Variants in VPS35 observed in about 807,000 individuals in gnomAD.
VPS35 encodes the protein vacuolar protein sorting-associated protein 35.
Under a neutral mutation model 98.1 loss-of-function variants are expected in VPS35, and 21 were observed. That is an observed-to-expected ratio of 0.21 (90% CI 0.15 to 0.31). The LOEUF is 0.31. VPS35 is among the 10% of genes least tolerant of loss of function. The pLI, the probability that VPS35 is intolerant of heterozygous loss-of-function variation, is 1.00. For synonymous variants in VPS35, 268 were observed against 318.2 expected (o/e 0.84, Z 1.68); for missense variants, 554 against 950.8 (o/e 0.58, Z 5.49).
chr16:46,672,472 A>C lies in VPS35; in HGVS notation c.1161T>G (p.His387Gln). The C allele has an allele frequency of 6.2e-7, 1 of 1,611,676 alleles. No homozygotes were observed. Reference protein sequence around the residue: ...VEIFNKLNLEHIATSSAVSKE... With the variant: ...VEIFNKLNLEQIATSSAVSKE... The stretch of plus-strand genomic sequence containing the variant: ...TTGAAACTGCACTACTGGTAGCAAT[A>C]CTACAAAAAGAAAAACAGAAGTCTT... The change falls in exon 11 of 17, where the codon CAT (histidine) becomes CAG (glutamine). Residue 387 changes from histidine to glutamine, a missense_variant and splice_region_variant. His to Gln is a conservative substitution (Grantham distance 24). Transcript: ENST00000299138.
rs762793303 is a variant in VPS35 at position 46,677,333 on chromosome 16, G to A, written c.786C>T (p.Leu262=). The A allele has an allele frequency of 6.2e-7, 1 of 1,613,664 alleles. No individual in the cohort carries two copies. The highest frequency in any genetic ancestry group is 8.5e-7 in the Non-Finnish European group (1 of 1,179,692). Residue 262 remains leucine, a synonymous_variant, in exon 7 of 17, where the codon CTC becomes CTT. Coordinates refer to ENST00000299138, the MANE Select transcript of VPS35 (RefSeq NM_018206.6). ...NCRDALAQEY[L]MECIIQVFPD... ...CAGCTACCTGAATAATACACTCCAT[G>A]AGATATTCTTGAGCCAAAGCATCCC... is the stretch of plus-strand genomic sequence containing the variant.
At chr16:46,668,152 T>C (rs1489574106) in intron 13 of VPS35, among the ~76,000 whole-genome samples, 1 of 152,138 alleles carries the variant, frequency 6.6e-6, no homozygotes, top group Non-Finnish European at 1.5e-5. Flanking sequence ...TCCTAGCACT[T>C]TGAGAGGCTG....
rs1291495529 is a variant in VPS35, at chr16:46,683,541, C to A, written c.69G>T (p.Val23=). Residue 23 remains valine, a synonymous_variant, in exon 2 of 17, where the codon GTG becomes GTT. Transcript: ENST00000299138. Reference sequence around the variant, plus strand: ...TCTTCATTTGGAATGACTGGACCTTCACAGCCTGTATGGCTTCATCCAAGA... The same window carrying A: ...TCTTCATTTGGAATGACTGGACCTTAACAGCCTGTATGGCTTCATCCAAGA... The part of the protein sequence containing the change: ...EKLLDEAIQA[V]KVQSFQMKRC... 1 of 1,613,922 alleles carries A rather than the reference C, an allele frequency of 6.2e-7. No individual in the cohort carries two copies. Among genetic ancestry groups the A allele is most frequent in the Non-Finnish European group, 8.5e-7 (1 of 1,180,028 alleles).
In VPS35 at chr16:46,661,019, C is replaced by A. The variant is rs905889355; in HGVS notation, c.2212-368G>T. 1.1e-5 allele frequency: 4 copies of A among 354,786 alleles called. No homozygotes were observed. Among genetic ancestry groups the A allele is most frequent in the Non-Finnish European group, 2.2e-5 (4 of 183,616 alleles). The allele number at this position is 354,786 out of a possible 1,614,324, so 22.0% of individuals were successfully genotyped here. Reference sequence around the variant, plus strand: ...AAAATTAGCTGGGCGTGGTGCCGGGCGCCTATAATACCAGCTATTCAGGAG... The same window carrying A: ...AAAATTAGCTGGGCGTGGTGCCGGGAGCCTATAATACCAGCTATTCAGGAG... On this transcript the variant is annotated intron_variant, in intron 16 of 16. Transcript: ENST00000299138. The surrounding 1 kb of genome is among the most constrained non-coding windows in gnomAD (Gnocchi z 4.3).
rs541249570 is a variant in VPS35, at chr16:46,679,943, A to C, written c.506+728T>G. On this transcript the variant is annotated intron_variant, in intron 5 of 16. Transcript: ENST00000299138. ...ACCTTAGAAATAAATGAAAATATTA[A>C]AAAGAAAAAAACAAAATCTGTTGGG... Among the ~76,000 whole-genome samples the C allele has an allele frequency of 2.0e-5, 3 of 152,300 alleles. No homozygotes were observed. In the East Asian group the frequency reaches 5.8e-4, roughly 29 times the overall value.
At chr16:46,673,241 G>A (rs1266447121) in intron 10 of VPS35, among the ~76,000 whole-genome samples, 2 of 152,040 alleles carry the variant, frequency 1.3e-5, no homozygotes, top group Non-Finnish European at 2.9e-5. Flanking sequence ...GAATAGCTGG[G>A]ATTACAGGTG....
At chr16:46,672,232 T>C in intron 11 of VPS35, 33 bp downstream of exon 11, 1 of 1,594,496 alleles carries the variant, frequency 6.3e-7, no homozygotes, top group Non-Finnish European at 8.6e-7. Flanking sequence ...TGTAACACTG[T>C]TTCCCTAAAA....
At chr16:46,664,436 C>A (rs1310853858) in intron 13 of VPS35, among the ~76,000 whole-genome samples, 2 of 152,092 alleles carry the variant, frequency 1.3e-5, no homozygotes, top group South Asian at 2.1e-4. Flanking sequence ...GGATTACTGG[C>A]GTGAGCCACT....
chr16:46,681,897 G>T (rs1379088752), intron 3 of VPS35, 182 bp downstream of exon 3: 1 of 602,888 alleles, frequency 1.7e-6, no homozygotes, highest in Non-Finnish European at 3.0e-6. Flanking sequence ...TTAAGCATAG[G>T]AAAGGAGTAC....
chr16:46,682,007 G>A (rs1966242400), intron 3 of VPS35, 72 bp downstream of exon 3: 1 of 1,215,482 alleles, frequency 8.2e-7, no homozygotes, highest in Admixed American at 1.8e-5. Flanking sequence ...ACTTCATAAA[G>A]AACAAACAAA....
chr16:46,663,016 A>C lies in VPS35; in HGVS notation c.1794T>G (p.Asn598Lys). ...TGAATTCATATGCGACTGTCTCATG[A>C]TTTTCAAAACCAATTTCCCCAGCAG... ...ALAAGEIGFENHETVAYEFMS... is the reference protein window; with the variant it reads ...ALAAGEIGFEKHETVAYEFMS... The change falls in exon 14 of 17, where the codon AAT becomes AAG. Residue 598 changes from asparagine to lysine, a missense_variant. This residue lies in a region of VPS35 where 254 missense variants were observed against 390.1 expected (regional missense o/e 0.65). Transcript: ENST00000299138. 6.2e-7 allele frequency: 1 copy of C among 1,614,222 alleles called. No homozygotes were observed. Among genetic ancestry groups the C allele is most frequent in the Middle Eastern group, 1.6e-4 (1 of 6,062 alleles).
rs1329644642 is a variant in VPS35 at position 46,687,407 on chromosome 16, C to CA, written c.3+1723dup. 3.3e-5 allele frequency among the ~76,000 whole-genome samples: 5 copies of CA among 152,212 alleles called. 1 individual carries two copies. The highest frequency in any genetic ancestry group is 1.5e-5 in the Non-Finnish European group (1 of 68,042). ...TCCCCAAGAATCCTCTGATGGAGCACACTGAACGTTTTGGCTTCATCTATT... is the reference window on the plus strand; with the variant it reads ...TCCCCAAGAATCCTCTGATGGAGCACAACTGAACGTTTTGGCTTCATCTATT... On this transcript the variant is annotated intron_variant, in intron 1 of 16. Coordinates refer to ENST00000299138, the MANE Select transcript of VPS35 (RefSeq NM_018206.6).
chr16:46,672,602 C>T, intron 10 of VPS35, 130 bp from the exon 11 acceptor site: 1 of 719,900 alleles, frequency 1.4e-6, no homozygotes, highest in African/African-American at 1.8e-5. Flanking sequence ...AATCATACCA[C>T]CACAGAAGAC....
rs549766600 is a variant in VPS35 at position 46,661,414 on chromosome 16, G to A, written c.2211+304C>T. The A allele has an allele frequency of 9.8e-5, 30 of 305,142 alleles. No homozygotes were observed. Among genetic ancestry groups the A allele is most frequent in the South Asian group, 8.3e-4 (28 of 33,832 alleles). The allele number at this position is 305,142 out of a possible 1,614,324, so 18.9% of individuals were successfully genotyped here. Reference sequence around the variant, plus strand: ...CTAGCTAATTTTTGTATTTTTAGTAGAGATGGGGTTTCACAATGTTGGCCA... The same window carrying A: ...CTAGCTAATTTTTGTATTTTTAGTAAAGATGGGGTTTCACAATGTTGGCCA... On this transcript the variant is annotated intron_variant, in intron 16 of 16. Coordinates refer to ENST00000299138, the MANE Select transcript of VPS35 (RefSeq NM_018206.6). This position sits in a 1 kb window ranked among gnomAD's most constrained non-coding sequence, Gnocchi z 4.3.
At chr16:46,688,904 G>C (rs1966371798) in intron 1 of VPS35, 17 of 1,453,014 alleles carry the variant, frequency 1.2e-5, no homozygotes, top group Non-Finnish European at 1.5e-5. Context: ...AGGCCGCCCC[G>C]TCTCTCAGCA....
chr16:46,672,230 T>A (rs745804093), intron 11 of VPS35, 35 bp downstream of exon 11: 7 of 1,590,322 alleles, frequency 4.4e-6, no homozygotes, highest in South Asian at 2.2e-5. Flanking sequence ...ATTGTAACAC[T>A]GTTTCCCTAA....
rs1011505680 is a variant in VPS35, at chr16:46,658,913, G to A, written c.*1559C>T. The A allele has an allele frequency of 2.0e-5, 3 of 152,194 alleles. No individual in the cohort carries two copies. The highest frequency in any genetic ancestry group is 4.4e-5 in the Non-Finnish European group (3 of 68,036). The allele number at this position is 152,194 out of a possible 1,614,324, so 9.4% of individuals were successfully genotyped here. A position where few individuals can be genotyped will look rare whatever the true frequency, so the allele number is the denominator to read the frequency against. On this transcript the variant is annotated 3_prime_UTR_variant, in exon 17 of 17. Coordinates refer to ENST00000299138, the MANE Select transcript of VPS35 (RefSeq NM_018206.6). ...TGTCTATAAATTTTCCCTTTAAGAG[G>A]TGGAGCTTAATTCTCCTTACCCTTG...
chr16:46,688,078 G>C (rs1255060044), intron 1 of VPS35, among the ~76,000 whole-genome samples: 1 of 152,146 alleles, frequency 6.6e-6, no homozygotes, highest in Non-Finnish European at 1.5e-5. Flanking sequence ...TGAGAAACAG[G>C]CAAAATCACC....
At chr16:46,677,899 T>G (rs1263742430) in intron 6 of VPS35, among the ~76,000 whole-genome samples, 1 of 152,212 alleles carries the variant, frequency 6.6e-6, no homozygotes, top group Non-Finnish European at 1.5e-5. Context: ...CTAACATTAT[T>G]AGGTTCTATA....
Sources: allele counts gnomAD v4.1 joint callset (sites outside exome capture counted in the v4.1 genomes callset), GRCh38; gene constraint gnomAD v4.1.1; regional missense constraint gnomAD v4.1.1; non-coding constraint Gnocchi (gnomAD v3.1); transcripts MANE v1.5; gene names NCBI Gene and HGNC (gene_info 2026-07-23, HGNC 2026-07-21).